Variants in FAM228B observed in about 807,000 individuals in gnomAD.
FAM228B encodes protein FAM228B.
FAM228B carries 38 observed loss-of-function variants against 42.6 expected under a neutral mutation model. The observed-to-expected ratio is 0.89, with a 90% CI of 0.69 to 1.17. The LOEUF is 1.17. Among genes scored for constraint, FAM228B ranks in the 50% most tolerant of loss-of-function variants. The pLI, the probability that FAM228B is intolerant of heterozygous loss-of-function variation, is 0.00. For missense variants in FAM228B, 344 were observed against 367.3 expected (o/e 0.94, Z 0.52); for synonymous variants, 109 against 122.3 (o/e 0.89, Z 0.72).
chr2:24,115,488 T>G (rs1170583940), intron 3 of FAM228B: 1 of 1,083,602 alleles, frequency 9.2e-7, no homozygotes, highest in Non-Finnish European at 1.4e-6. Flanking sequence ...TAGTGCCTTC[T>G]GTCTAGTGTT....
Position 24,161,703 on chromosome 2 carries a change from C to T in FAM228B, c.794+90C>T, listed in dbSNP as rs915245272. On this transcript the variant is annotated intron_variant, in intron 8 of 10. Coordinates refer to ENST00000615575, the MANE Select transcript of FAM228B (RefSeq NM_001145710.2). ...CTGCCATCCTTTCATGTTGCTGAGACGGTGCTGAGGCACACACAAAGCTCC... is the reference window on the plus strand; with the variant it reads ...CTGCCATCCTTTCATGTTGCTGAGATGGTGCTGAGGCACACACAAAGCTCC... 5.0e-5 allele frequency: 41 copies of T among 822,392 alleles called. 1 individual carries two copies. Among genetic ancestry groups the T allele is most frequent in the Middle Eastern group, 4.4e-4 (2 of 4,516 alleles). 50.9% of individuals were successfully genotyped at this position (822,392 alleles called of 1,614,324 possible). A position where few individuals can be genotyped will look rare whatever the true frequency, so the allele number is the denominator to read the frequency against.
In FAM228B at chr2:24,146,949, G is replaced by A. The variant is rs1415202849; in HGVS notation, c.549G>A (p.Lys183=). 3 of 1,551,128 alleles carry A rather than the reference G, an allele frequency of 1.9e-6. No individual in the cohort carries two copies. Among genetic ancestry groups the A allele is most frequent in the Non-Finnish European group, 2.6e-6 (3 of 1,146,730 alleles). The change falls in exon 7 of 11, where the codon AAG becomes AAA. Residue 183 remains lysine (K), a synonymous_variant. Transcript: ENST00000615575. ...QCETGKIYSI[K]EFKEVEKVQL... ...CTTCAGGCAAAATATATTCAATAAA[G>A]GAATTCAAAGAAGTTGAGAAGGTTC...
chr2:24,083,271 T>A, intron 2 of FAM228B: 1 of 1,371,578 alleles, frequency 7.3e-7, no homozygotes, highest in Non-Finnish European at 9.9e-7. Context: ...CAGAATGAAG[T>A]CAGGTTTTTG....
intron 3 of FAM228B, chr2:24,096,789 C>A (rs1665505956): frequency 6.6e-6 from 1 of 152,116 alleles, no homozygotes; most frequent in East Asian, 1.9e-4. Context: ...GAGAACACCA[C>A]AAAGATACTC....
chr2:24,141,943 C>T (rs1666760312), intron 5 of FAM228B, among the ~76,000 whole-genome samples: 1 of 152,158 alleles, frequency 6.6e-6, no homozygotes, highest in African/African-American at 2.4e-5. Context: ...TCCTTACGGT[C>T]ACATGCTGTG....
At chr2:24,120,934 T>G (rs767516804), upstream of FAM228B, among the ~76,000 whole-genome samples, 1 of 151,874 alleles carries the variant, frequency 6.6e-6, no homozygotes, top group Non-Finnish European at 1.5e-5. Flanking sequence ...TGGAAAGAGT[T>G]CAGGCAAGGC....
At chr2:24,115,416 C>T (rs1006236271) in intron 3 of FAM228B, 15 of 612,592 alleles carry the variant, frequency 2.4e-5, no homozygotes, top group African/African-American at 2.2e-4. Context: ...CAAGTAATTC[C>T]AGTGAAAGAA....
rs915202359 is a variant in FAM228B, at chr2:24,077,345, C to G, written c.-290+376C>G. ...GAGGGGCCCTCAGGTTGAGCGTCAG[C>G]TGATCGGGCCTCAGTAATCCCCGCT... On this transcript the variant is annotated intron_variant, in intron 1 of 10. Transcript: ENST00000613899. The surrounding 1 kb of genome is among the most constrained non-coding windows in gnomAD (Gnocchi z 5.5). The G allele has an allele frequency of 9.7e-6, 4 of 412,840 alleles. No individual in the cohort carries two copies. In the Admixed American group the frequency reaches 1.5e-4, roughly 16 times the overall value. 25.6% of individuals were successfully genotyped at this position (412,840 alleles called of 1,614,324 possible).
At position 24,137,904 on chromosome 2, in the gene FAM228B, A is replaced by G; in HGVS notation, c.169-5A>G. The G allele has an allele frequency of 4.6e-6, 7 of 1,506,150 alleles. No homozygotes were observed. Among genetic ancestry groups the G allele is most frequent in the Non-Finnish European group, 4.4e-6 (5 of 1,131,412 alleles). 93.3% of individuals were successfully genotyped at this position (1,506,150 alleles called of 1,614,324 possible). A position where few individuals can be genotyped will look rare whatever the true frequency, so the allele number is the denominator to read the frequency against. ...ATATTTGTCTTTTCTACCACTGTTT[A>G]CTAGGAACTAGATAAGTATTTACAA... On this transcript the variant is annotated splice_region_variant and splice_polypyrimidine_tract_variant and intron_variant, in intron 3 of 10. Transcript: ENST00000615575.
chr2:24,119,737 T>A, upstream of FAM228B: 1 of 1,327,934 alleles, frequency 7.5e-7, no homozygotes, highest in Non-Finnish European at 1.1e-6. Context: ...ACAGGACCAG[T>A]GGTCATGCTC....
At chr2:24,164,382 G>T in intron 9 of FAM228B, 47 bp downstream of exon 9, 1 of 1,509,756 alleles carries the variant, frequency 6.6e-7, no homozygotes, top group Non-Finnish European at 8.9e-7. Context: ...GGTGGCAATC[G>T]CTGATACCAA....
At chr2:24,147,312 C>A (rs543018630) in intron 7 of FAM228B, among the ~76,000 whole-genome samples, 2 of 151,454 alleles carry the variant, frequency 1.3e-5, no homozygotes, top group South Asian at 4.2e-4. Flanking sequence ...TCAAGATTTT[C>A]TGTTTCTCTT....
Position 24,077,423 on chromosome 2 carries a change from C to G in FAM228B, c.-290+454C>G. The stretch of plus-strand genomic sequence containing the variant: ...ACCCCGCCGCGGCGGCCCCAGTCCG[C>G]GTGCCACCCTTCCAGTTCACTCTTT... On this transcript the variant is annotated intron_variant, in intron 1 of 10. Coordinates refer to the FAM228B transcript ENST00000613899. This position sits in a 1 kb window ranked among gnomAD's most constrained non-coding sequence, Gnocchi z 5.5. 1 of 914,306 alleles carries G rather than the reference C, an allele frequency of 1.1e-6. No individual in the cohort carries two copies. 56.6% of individuals were successfully genotyped at this position (914,306 alleles called of 1,614,324 possible).
At chr2:24,149,547 C>G (rs942736279) in intron 7 of FAM228B, among the ~76,000 whole-genome samples, 1 of 152,150 alleles carries the variant, frequency 6.6e-6, no homozygotes, top group African/African-American at 2.4e-5. Flanking sequence ...ATTCTCCTGT[C>G]TCAGCCTCCT....
chr2:24,084,553 C>G lies in FAM228B; in HGVS notation c.-210+3598C>G. The G allele has an allele frequency of 1.9e-6, 1 of 528,722 alleles. No homozygotes were observed. Among genetic ancestry groups the G allele is most frequent in the South Asian group, 3.0e-5 (1 of 32,954 alleles). 32.8% of individuals were successfully genotyped at this position (528,722 alleles called of 1,614,324 possible). A position where few individuals can be genotyped will look rare whatever the true frequency, so the allele number is the denominator to read the frequency against. The stretch of plus-strand genomic sequence containing the variant: ...AGCTCCTGCCTGGGAAGTCCTCGGC[C>G]GCCTCCAGACCGATCCCACCCGGAA... On this transcript the variant is annotated intron_variant, in intron 2 of 10. Transcript: ENST00000613899. The surrounding 1 kb of genome is among the most constrained non-coding windows in gnomAD (Gnocchi z 8.4).
intron 3 of FAM228B, among the ~76,000 whole-genome samples, chr2:24,100,737 A>G (rs1196253570): frequency 6.6e-6 from 1 of 152,238 alleles, no homozygotes; most frequent in Non-Finnish European, 1.5e-5. Context: ...TAGAATTATC[A>G]TTTGACCCAG....
chr2:24,159,608 G>A (rs978347555), intron 7 of FAM228B, among the ~76,000 whole-genome samples: 7 of 152,244 alleles, frequency 4.6e-5, no homozygotes, highest in Admixed American at 2.6e-4. Flanking sequence ...ATAGGAGTTC[G>A]GTACAGTTCT....
At chr2:24,098,304 A>G (rs913815564) in intron 3 of FAM228B, among the ~76,000 whole-genome samples, 10 of 152,190 alleles carry the variant, frequency 6.6e-5, no homozygotes, top group Admixed American at 3.3e-4. Context: ...TGAAAGAGAT[A>G]GAGACACGAA....
chr2:24,134,972 A>AT (rs1204128613), intron 2 of FAM228B, 147 bp from the exon 3 acceptor site: 1 of 590,322 alleles, frequency 1.7e-6, no homozygotes. Context: ...AACAAAAAAA[A>AT]GCACTCGATG....
Sources: allele counts gnomAD v4.1 joint callset (sites outside exome capture counted in the v4.1 genomes callset), GRCh38; gene constraint gnomAD v4.1.1; non-coding constraint Gnocchi (gnomAD v3.1); transcripts MANE v1.5; gene names NCBI Gene and HGNC (gene_info 2026-07-23, HGNC 2026-07-21).